The following APLP2 variants were observed in gnomAD, a reference collection of about 807,000 sequenced individuals.
APLP2 encodes amyloid beta precursor like protein 2.
A neutral mutation model predicts 89.9 loss-of-function variants in APLP2; 53 were observed. The ratio of observed to expected loss-of-function variants is 0.59; its 90% CI spans 0.47 to 0.74. The LOEUF is 0.74. Among genes scored for constraint, APLP2 ranks in the 30% least tolerant of loss-of-function variants. The pLI, the probability that APLP2 is intolerant of heterozygous loss-of-function variation, is 0.00. For missense variants in APLP2, 973 were observed against 975.9 expected, an observed-to-expected ratio of 1.00 and a Z score of 0.04; for synonymous variants, 372 against 348.6, an observed-to-expected ratio of 1.07 and a Z score of -0.75.
At chr11:130,084,480 T>G (rs1050070989) in intron 1 of APLP2, among the ~76,000 whole-genome samples, 25 of 152,212 alleles carry the variant, frequency 1.6e-4, no homozygotes, top group African/African-American at 5.8e-4. Flanking sequence ...GATATTGGCT[T>G]ATAGTGTTCT....
At chr11:130,070,704 GGC>G in intron 1 of APLP2, 1 of 1,477,588 alleles carries the variant, frequency 6.8e-7, no homozygotes, top group Non-Finnish European at 8.9e-7. Flanking sequence ...TTTTTTAAGT[GGC>G]GCTGTTTGCC....
intron 13 of APLP2, 150 bp downstream of exon 13, chr11:130,135,865 T>G: frequency 1.1e-6 from 1 of 926,564 alleles, no homozygotes; most frequent in Non-Finnish European, 1.6e-6. Context: ...GAGCGCCTAC[T>G]GTGTGCAAGG....
At chr11:130,120,370 G>A (rs1011462027) in intron 3 of APLP2, among the ~76,000 whole-genome samples, 1 of 139,648 alleles carries the variant, frequency 7.2e-6, no homozygotes, top group African/African-American at 3.4e-5. Context: ...GGAAGGCAGA[G>A]CCATGTGGGG....
intron 1 of APLP2, among the ~76,000 whole-genome samples, chr11:130,093,351 G>A (rs1216116234): frequency 5.3e-5 from 8 of 152,188 alleles, no homozygotes; most frequent in Non-Finnish European, 1.0e-4. Context: ...AGGCAATGTA[G>A]GGAATAGACA....
intron 1 of APLP2, among the ~76,000 whole-genome samples, chr11:130,097,557 T>C (rs1264054135): frequency 6.6e-6 from 1 of 152,038 alleles, no homozygotes; most frequent in Non-Finnish European, 1.5e-5. Flanking sequence ...ATTAGCCGGG[T>C]GTAGTGGTGT....
chr11:130,112,081 A>G (rs989005748), intron 3 of APLP2, among the ~76,000 whole-genome samples: 1 of 152,076 alleles, frequency 6.6e-6, no homozygotes, highest in African/African-American at 2.4e-5. Context: ...AGCCAGCCTC[A>G]TACTTACTTC....
At chr11:130,121,948 A>T (rs1949874947) in intron 5 of APLP2, 138 bp downstream of exon 5, 2 of 1,359,152 alleles carry the variant, frequency 1.5e-6, no homozygotes, top group Admixed American at 2.2e-5. Flanking sequence ...TTAAGCTTGC[A>T]TTTCATTCTA....
intron 1 of APLP2, among the ~76,000 whole-genome samples, chr11:130,071,167 T>G (rs1287425728): frequency 6.6e-6 from 1 of 152,062 alleles, no homozygotes; most frequent in African/African-American, 2.4e-5. Context: ...CAGAGAGACC[T>G]GAAGACTGGA....
At chr11:130,137,853 T>G (rs560088920) in intron 13 of APLP2, among the ~76,000 whole-genome samples, 1 of 151,526 alleles carries the variant, frequency 6.6e-6, no homozygotes, top group Admixed American at 6.5e-5. Context: ...GTACTGAGTC[T>G]CCAGTTTTCA....
chr11:130,072,239 A>G (rs1941243056), intron 1 of APLP2, among the ~76,000 whole-genome samples: 1 of 152,104 alleles, frequency 6.6e-6, no homozygotes, highest in South Asian at 2.1e-4. Context: ...AACCCCGCAT[A>G]CTGTGCAGTG....
At position 130,122,439 on chromosome 11, in the gene APLP2, A is replaced by G; in HGVS notation, c.848A>G (p.Tyr283Cys). Reference protein sequence around the residue: ...YYYDTFKGDDYNEENPTEPGS... With the variant: ...YYYDTFKGDDCNEENPTEPGS... ...TATGACACCTTCAAAGGAGATGACT[A>G]CAATGAGGAGAATCCTACTGAACCC... Residue 283 changes from tyrosine (Y) to cysteine (C), a missense_variant, in exon 6 of 17, where the codon TAC becomes TGC. Transcript: ENST00000338167. The G allele has an allele frequency of 6.2e-7, 1 of 1,614,186 alleles. No individual in the cohort carries two copies. The highest frequency in any genetic ancestry group is 8.5e-7 in the Non-Finnish European group (1 of 1,180,016).
chr11:130,143,382 G>A lies in APLP2; in HGVS notation c.2190G>A (p.Leu730=), dbSNP rs777075891. The A allele has an allele frequency of 7.4e-6, 12 of 1,613,824 alleles. No homozygotes were observed. In the South Asian group the frequency reaches 1.3e-4, roughly 18 times the overall value. ...TGCTCACCCCAGAAGAGCGTCACCTGAACAAGATGCAGAACCATGGCTATG... is the reference window on the plus strand; with the variant it reads ...TGCTCACCCCAGAAGAGCGTCACCTAAACAAGATGCAGAACCATGGCTATG... ...DPMLTPEERH[L]NKMQNHGYEN... The change falls in exon 17 of 17, where the codon CTG becomes CTA. Residue 730 remains leucine (L), a synonymous_variant. Coordinates refer to ENST00000338167, the MANE Select transcript of APLP2 (RefSeq NM_001142276.2).
At chr11:130,107,706 A>G (rs948283344) in intron 1 of APLP2, among the ~76,000 whole-genome samples, 4 of 152,212 alleles carry the variant, frequency 2.6e-5, no homozygotes, top group African/African-American at 7.2e-5. Flanking sequence ...CAGAATTGGA[A>G]AAAACTACTT....
chr11:130,127,218 T>G (rs537674501), intron 8 of APLP2, among the ~76,000 whole-genome samples: 1 of 152,318 alleles, frequency 6.6e-6, no homozygotes, highest in Non-Finnish European at 1.5e-5. Flanking sequence ...AGCAAACATG[T>G]ACTAATACAT....
intron 12 of APLP2, 145 bp downstream of exon 12, chr11:130,133,873 C>T (rs1951220734): frequency 3.2e-6 from 2 of 633,708 alleles, no homozygotes; most frequent in Non-Finnish European, 2.8e-6. Flanking sequence ...AGCCTGGAGT[C>T]CACTGGAGCT....
intron 5 of APLP2, 137 bp downstream of exon 5, chr11:130,121,947 C>T (rs1236683111): frequency 2.0e-5 from 27 of 1,357,496 alleles, no homozygotes; most frequent in Non-Finnish European, 2.4e-5. Context: ...ATTAAGCTTG[C>T]ATTTCATTCT....
rs1950530811 is a variant in APLP2 at position 130,127,670 on chromosome 11, C to G, written c.1222-96C>G. The stretch of plus-strand genomic sequence containing the variant: ...TGTGATTGGTTTCCTTTTGCAGTTT[C>G]CTGTGAGATTTAGCATCTGACAGTG... On this transcript the variant is annotated intron_variant, in intron 8 of 16. Transcript: ENST00000338167. 4.9e-6 allele frequency: 5 copies of G among 1,014,452 alleles called. No homozygotes were observed. In the African/African-American group the frequency reaches 6.3e-5, roughly 13 times the overall value. 62.8% of individuals were successfully genotyped at this position (1,014,452 alleles called of 1,614,324 possible). A position where few individuals can be genotyped will look rare whatever the true frequency, so the allele number is the denominator to read the frequency against.
intron 3 of APLP2, among the ~76,000 whole-genome samples, chr11:130,111,686 G>A (rs886502609): frequency 1.3e-5 from 2 of 152,160 alleles, no homozygotes; most frequent in African/African-American, 4.8e-5. Context: ...GGCGTCATGT[G>A]TGCTTACCAC....
intron 1 of APLP2, among the ~76,000 whole-genome samples, chr11:130,086,058 A>G (rs1402038825): frequency 6.6e-6 from 1 of 152,258 alleles, no homozygotes; most frequent in Non-Finnish European, 1.5e-5. Context: ...ATATTTACTA[A>G]GAAGTGAAAC....
Sources: gnomAD v4.1 joint callset for allele counts (sites outside exome capture counted in the v4.1 genomes callset) on GRCh38, gnomAD v4.1.1 for gene constraint, MANE v1.5 for transcripts, NCBI Gene and HGNC (gene_info 2026-07-23, HGNC 2026-07-21) for gene names.